PCDHGB4: variants seen among roughly 807,000 people sequenced by gnomAD.
PCDHGB4 encodes protocadherin gamma subfamily B, 4.
In PCDHGB4, 38 loss-of-function variants were observed where a neutral mutation model predicts 60.5. The ratio of observed to expected loss-of-function variants is 0.63; its 90% confidence interval spans 0.48 to 0.82. The LOEUF is 0.82. PCDHGB4 is among the 40% of genes least tolerant of loss of function. The pLI is 0.00. For missense variants in PCDHGB4, 1,109 were observed against 1,209.6 expected (o/e 0.92, Z 1.23); for synonymous variants, 456 against 509.7 (o/e 0.89, Z 1.42).
intron 1 of PCDHGB4, among the ~76,000 whole-genome samples, chr5:141,482,843 G>A (rs1005014887): frequency 7.1e-6 from 1 of 140,154 alleles, no homozygotes; most frequent in Non-Finnish European, 1.5e-5. Flanking sequence ...AGGCCAAGGT[G>A]GGCAGATCAC....
intron 1 of PCDHGB4, among the ~76,000 whole-genome samples, chr5:141,436,320 G>A (rs1158221950): frequency 6.6e-6 from 1 of 152,120 alleles, no homozygotes; most frequent in African/African-American, 2.4e-5. Flanking sequence ...AGTCAAGACT[G>A]TTAGACCATA....
intron 1 of PCDHGB4, chr5:141,418,301 C>T: frequency 6.2e-7 from 1 of 1,613,980 alleles, no homozygotes; most frequent in South Asian, 1.1e-5. Context: ...ATCCGTCAGC[C>T]TGGGGATGGG....
In PCDHGB4 at chr5:141,389,873, C is replaced by T. The variant is rs767569258; in HGVS notation, c.1989C>T (p.Ala663=). The T allele has an allele frequency of 1.2e-6, 2 of 1,614,070 alleles. No homozygotes were observed. The highest frequency in any genetic ancestry group is 1.7e-5 in the Admixed American group (1 of 60,034). The change falls in exon 1 of 4, where the codon GCC becomes GCT. Residue 663 remains alanine (A), a synonymous_variant. Transcript: ENST00000519479. ...CTGCCACGTTGCACCTGGTCTTCGC[C>T]GACAGCTTGCAGGAGGTGCTGCCGG... The part of the protein sequence containing the change: ...SATATLHLVF[A]DSLQEVLPDI...
chr5:141,394,997 C>T lies in PCDHGB4; in HGVS notation c.2397+4716C>T, dbSNP rs771459458. On this transcript the variant is annotated intron_variant, in intron 1 of 3. Coordinates refer to ENST00000519479, the MANE Select transcript of PCDHGB4 (RefSeq NM_003736.4). ...ACAAGTCACGCCTGCTCCAGGATTC[C>T]GGTGGCAGATTGGTAGGCGTGCCTG... 3.4e-5 allele frequency: 55 copies of T among 1,613,898 alleles called. No individual in the cohort carries two copies. In the East Asian group the frequency reaches 1.1e-3, roughly 32 times the overall value.
In PCDHGB4 at chr5:141,491,801, G is replaced by C; in HGVS notation, c.2398-3006G>C. 1 of 1,500,844 alleles carries C rather than the reference G, an allele frequency of 6.7e-7. No individual in the cohort carries two copies. Among genetic ancestry groups the C allele is most frequent in the Non-Finnish European group, 8.9e-7 (1 of 1,125,292 alleles). The allele number at this position is 1,500,844 out of a possible 1,614,324, so 93.0% of individuals were successfully genotyped here. The stretch of plus-strand genomic sequence containing the variant: ...AACTTGCATCCACTCCTCTCCGGCC[G>C]GCTTGGTCGCTGGCTGCGCTCCACC... On this transcript the variant is annotated intron_variant, in intron 1 of 3. Coordinates refer to ENST00000519479, the MANE Select transcript of PCDHGB4 (RefSeq NM_003736.4). The surrounding 1 kb of genome is among the most constrained non-coding windows in gnomAD (Gnocchi z 6.9).
intron 1 of PCDHGB4, chr5:141,418,120 G>A: frequency 6.2e-7 from 1 of 1,614,084 alleles, no homozygotes; most frequent in Non-Finnish European, 8.5e-7. Context: ...TACTTGTGAA[G>A]GACCGAATAG....
At chr5:141,404,265 T>G in intron 1 of PCDHGB4, 1 of 1,613,998 alleles carries the variant, frequency 6.2e-7, no homozygotes, top group Non-Finnish European at 8.5e-7. Context: ...GAAATTCACA[T>G]CACCCTGCAA....
At chr5:141,492,727 G>A (rs2099743408) in intron 1 of PCDHGB4, among the ~76,000 whole-genome samples, 1 of 152,274 alleles carries the variant, frequency 6.6e-6, no homozygotes, top group South Asian at 2.1e-4. Flanking sequence ...GACAGGCAGA[G>A]CTGCCCAGTG....
At chr5:141,418,328 G>C in intron 1 of PCDHGB4, 1 of 1,614,002 alleles carries the variant, frequency 6.2e-7, no homozygotes. Flanking sequence ...TCTTGAGTCT[G>C]CAGAAGATCC....
chr5:141,500,189 TTTA>T (rs780229863), intron 2 of PCDHGB4, among the ~76,000 whole-genome samples: 5,656 of 110,928 alleles, frequency 0.051, 122 homozygotes, highest in Middle Eastern at 0.14. Context: ...TTTATTTTTA[TTTA>T]TTTATTTATT....
intron 1 of PCDHGB4, among the ~76,000 whole-genome samples, chr5:141,402,117 A>G (rs1344939045): frequency 6.6e-6 from 1 of 152,172 alleles, no homozygotes; most frequent in Non-Finnish European, 1.5e-5. Context: ...AAATGTGAAA[A>G]TTTCCAACTT....
intron 1 of PCDHGB4, chr5:141,409,747 C>T (rs771456718): frequency 1.2e-6 from 2 of 1,612,994 alleles, no homozygotes; most frequent in East Asian, 2.2e-5. Flanking sequence ...GGGTGGTGTT[C>T]GCGCAGCGCG....
At chr5:141,449,380 G>C (rs1011160817) in intron 1 of PCDHGB4, among the ~76,000 whole-genome samples, 3 of 151,950 alleles carry the variant, frequency 2.0e-5, no homozygotes, top group African/African-American at 7.3e-5. Flanking sequence ...GCTGAGGCAG[G>C]TGGATTACTT....
intron 1 of PCDHGB4, among the ~76,000 whole-genome samples, chr5:141,483,945 ATTGTG>A (rs2099589210): frequency 8.3e-6 from 1 of 120,394 alleles, no homozygotes; most frequent in Non-Finnish European, 1.6e-5. Context: ...TACGGTGTGA[ATTGTG>A]TTGTGTTTCT....
chr5:141,455,244 T>C (rs977940552), intron 1 of PCDHGB4, among the ~76,000 whole-genome samples: 1 of 152,142 alleles, frequency 6.6e-6, no homozygotes, highest in Admixed American at 6.5e-5. Flanking sequence ...TTAAAGGTCA[T>C]AGTACAATCG....
chr5:141,422,092 G>A (rs2154549502), intron 1 of PCDHGB4: 6 of 1,611,520 alleles, frequency 3.7e-6, no homozygotes, highest in Non-Finnish European at 5.1e-6. Flanking sequence ...GGAAAGCAAG[G>A]CTTCTGAAAT....
chr5:141,410,885 G>A (rs970749503), intron 1 of PCDHGB4: 7 of 287,302 alleles, frequency 2.4e-5, no homozygotes, highest in African/African-American at 1.6e-4. Context: ...ATGGAGTCTC[G>A]CACTGTTGCC....
chr5:141,430,809 G>A (rs949727881), intron 1 of PCDHGB4: 5 of 1,527,014 alleles, frequency 3.3e-6, no homozygotes, highest in Non-Finnish European at 4.4e-6. Context: ...GTCCTGCTGG[G>A]AATCCTCCTG....
intron 1 of PCDHGB4, among the ~76,000 whole-genome samples, chr5:141,456,854 T>C (rs924765803): frequency 7.2e-5 from 11 of 151,950 alleles, no homozygotes; most frequent in Non-Finnish European, 1.3e-4. Context: ...TCCCAGCTAA[T>C]TGGGAGGCTG....
Sources: allele counts gnomAD v4.1 joint callset (sites outside exome capture counted in the v4.1 genomes callset), GRCh38; gene constraint gnomAD v4.1.1; non-coding constraint Gnocchi (gnomAD v3.1); transcripts MANE v1.5; gene names NCBI Gene and HGNC (gene_info 2026-07-23, HGNC 2026-07-21).